ZHX1: variants seen among roughly 807,000 people sequenced by gnomAD.
ZHX1 encodes the protein zinc fingers and homeoboxes protein 1.
ZHX1 carries 20 observed loss-of-function variants against 61.8 expected under a neutral mutation model. The observed-to-expected ratio is 0.32, with a 90% confidence interval of 0.23 to 0.47. The LOEUF is 0.47. ZHX1 is among the 20% of genes least tolerant of loss of function. The pLI, the probability that ZHX1 is intolerant of heterozygous loss-of-function variation, is 1.00. For synonymous variants in ZHX1, 318 were observed against 352.6 expected (o/e 0.90, Z 1.10); for missense variants, 800 against 1,034.8 (o/e 0.77, Z 3.11).
At position 123,255,661 on chromosome 8, in the gene ZHX1, C is replaced by T. The variant is rs1826049019; in HGVS notation, c.286G>A (p.Val96Ile). 6.2e-7 allele frequency: 1 copy of T among 1,613,906 alleles called. No homozygotes were observed. Among genetic ancestry groups the T allele is most frequent in the Non-Finnish European group, 8.5e-7 (1 of 1,180,008 alleles). ...CAAACATAGGATGAATTTAGCACTA[C>T]ATTGGGATGTTCCGAATCCACATGA... The part of the protein sequence containing the change: ...TFHVDSEHPN[V>I]VLNSSYVCVE... Residue 96 changes from valine (V) to isoleucine (I), a missense_variant, in exon 3 of 4, where the codon GTA (valine) becomes ATA (isoleucine). Val to Ile is a conservative substitution (Grantham distance 29). Coordinates refer to ENST00000395571, the MANE Select transcript of ZHX1 (RefSeq NM_007222.5).
Position 123,253,682 on chromosome 8 carries a change from T to A in ZHX1, c.2265A>T (p.Arg755Ser). Residue 755 changes from arginine (R) to serine (S), a missense_variant, in exon 3 of 4, where the codon AGA (arginine) becomes AGT (serine). Coordinates refer to ENST00000395571, the MANE Select transcript of ZHX1 (RefSeq NM_007222.5). ...TGCTTCCTCTAGGCCGCCCACGCGGTCTTCCTCTTCCCCGTCCTTTGGGTC... is the reference window on the plus strand; with the variant it reads ...TGCTTCCTCTAGGCCGCCCACGCGGACTTCCTCTTCCCCGTCCTTTGGGTC... Reference protein sequence around the residue: ...RGRPKGRGRGRPRGRPRGSKR... With the variant: ...RGRPKGRGRGSPRGRPRGSKR... The A allele has an allele frequency of 6.2e-7, 1 of 1,614,204 alleles. No individual in the cohort carries two copies. The highest frequency in any genetic ancestry group is 8.5e-7 in the Non-Finnish European group (1 of 1,180,028).
At chr8:123,267,924 C>T (rs1003394669) in intron 1 of ZHX1, among the ~76,000 whole-genome samples, 1 of 152,112 alleles carries the variant, frequency 6.6e-6, no homozygotes, top group African/African-American at 2.4e-5. Context: ...TCGCTTGAAC[C>T]GGGGAGGCAG....
At chr8:123,267,034 A>G (rs1826481408) in intron 2 of ZHX1, among the ~76,000 whole-genome samples, 1 of 152,208 alleles carries the variant, frequency 6.6e-6, no homozygotes, top group African/African-American at 2.4e-5. Context: ...TAATTTTAAA[A>G]TCAATTATAA....
chr8:123,259,982 C>T (rs62521854), intron 2 of ZHX1, among the ~76,000 whole-genome samples: 6,246 of 151,984 alleles, frequency 0.041, 160 homozygotes, highest in Non-Finnish European at 0.06. Flanking sequence ...AGTGAAACCC[C>T]GTCTCTACTA....
At chr8:123,253,297 CA>C (rs746083423) in intron 3 of ZHX1, 24 bp downstream of exon 3, 113 of 1,549,052 alleles carry the variant, frequency 7.3e-5, no homozygotes, top group Non-Finnish European at 9.0e-5. Context: ...AACATATACG[CA>C]GATTAAAAAT....
At chr8:123,270,295 T>A (rs1826602182) in intron 1 of ZHX1, among the ~76,000 whole-genome samples, 2 of 152,128 alleles carry the variant, frequency 1.3e-5, no homozygotes, top group East Asian at 3.9e-4. Context: ...GAAAAGACTT[T>A]TAAGAAGGGG....
chr8:123,254,207 A>C lies in ZHX1; in HGVS notation c.1740T>G (p.Leu580=). Reference sequence around the variant, plus strand: ...TGAGAAAACTTGCCTGAAGGACACGAAGCTGCTCTGCAGTTTTCTCTTTAA... The same window carrying C: ...TGAGAAAACTTGCCTGAAGGACACGCAGCTGCTCTGCAGTTTTCTCTTTAA... The part of the protein sequence containing the change: ...QKFKEKTAEQ[L]RVLQASFLNS... The change falls in exon 3 of 4, where the codon CTT becomes CTG. Residue 580 remains leucine (L), a synonymous_variant. Transcript: ENST00000395571. The surrounding 1 kb of genome is among the most constrained non-coding windows in gnomAD (Gnocchi z 4.1). The C allele has an allele frequency of 2.5e-6, 4 of 1,614,172 alleles. No homozygotes were observed. Among genetic ancestry groups the C allele is most frequent in the Non-Finnish European group, 3.4e-6 (4 of 1,180,030 alleles).
chr8:123,262,933 TA>T (rs546032434), intron 2 of ZHX1: 8,118 of 126,176 alleles, frequency 0.064, 684 homozygotes, highest in African/African-American at 0.22. Context: ...CAAATTTGTT[TA>T]AAAAAAAAAA....
intron 2 of ZHX1, among the ~76,000 whole-genome samples, chr8:123,260,603 A>G (rs990291172): frequency 1.4e-4 from 21 of 151,844 alleles, no homozygotes; most frequent in African/African-American, 5.1e-4. Flanking sequence ...ATCTCAAAAA[A>G]AAAACAAAAA....
Position 123,255,071 on chromosome 8 carries a change from T to C in ZHX1, c.876A>G (p.Ala292=). 6.2e-7 allele frequency: 1 copy of C among 1,614,192 alleles called. No homozygotes were observed. The stretch of plus-strand genomic sequence containing the variant: ...TAAGTAAAAGGGGATTGTTATCCAA[T>C]GCAGCATTGTAGGTGGGAATGCTAT... The part of the protein sequence containing the change: ...PVNSIPTYNA[A]LDNNPLLLNT... Residue 292 remains alanine, a synonymous_variant, in exon 3 of 4, where the codon GCA becomes GCG. Transcript: ENST00000395571.
chr8:123,254,563 G>A lies in ZHX1; in HGVS notation c.1384C>T (p.Pro462Ser). 6.2e-7 allele frequency: 1 copy of A among 1,614,130 alleles called. No individual in the cohort carries two copies. Among genetic ancestry groups the A allele is most frequent in the Non-Finnish European group, 8.5e-7 (1 of 1,180,012 alleles). Reference sequence around the variant, plus strand: ...TTTGCCCGAATGCCAAATGAATCAGGGTTTACCAATGCAGTTTCATGTTTG... The same window carrying A: ...TTTGCCCGAATGCCAAATGAATCAGAGTTTACCAATGCAGTTTCATGTTTG... ...SVKHETALVN[P>S]DSFGIRAKKT... The change falls in exon 3 of 4, where the codon CCT becomes TCT. Residue 462 changes from proline to serine, a missense_variant. Physicochemically the swap from Pro to Ser is moderately conservative, Grantham distance 74 (BLOSUM62 -1). Transcript: ENST00000395571. The surrounding 1 kb of genome is among the most constrained non-coding windows in gnomAD (Gnocchi z 4.1).
chr8:123,254,329 T>C lies in ZHX1; in HGVS notation c.1618A>G (p.Ile540Val), dbSNP rs557557161. The change falls in exon 3 of 4, where the codon ATA (isoleucine) becomes GTA (valine). Residue 540 changes from isoleucine to valine, a missense_variant. Coordinates refer to ENST00000395571, the MANE Select transcript of ZHX1 (RefSeq NM_007222.5). This position sits in a 1 kb window ranked among gnomAD's most constrained non-coding sequence, Gnocchi z 4.1. The part of the protein sequence containing the change: ...LNNDSSTTII[I>V]DSSDETTESP... ...TCCGTGGTTTCATCACTGGAGTCTA[T>C]AATAATGGTGGTAGAGGAATCATTG... The C allele has an allele frequency of 5.6e-6, 9 of 1,614,132 alleles. No individual in the cohort carries two copies. Among genetic ancestry groups the C allele is most frequent in the African/African-American group, 1.3e-5 (1 of 75,052 alleles).
rs765258778 is a variant in ZHX1, at chr8:123,255,871, A to G, written c.76T>C (p.Ser26Pro). ...ACAGGAGGACCTTCATCCAAATCTG[A>G]TATCAACTCAAGGTCTGGATCTTGT... Reference protein sequence around the residue: ...SEQDPDLELISDLDEGPPVLT... With the variant: ...SEQDPDLELIPDLDEGPPVLT... The change falls in exon 3 of 4, where the codon TCA becomes CCA. Residue 26 changes from serine (S) to proline (P), a missense_variant. Physicochemically the swap from Ser to Pro is moderately conservative, Grantham distance 74 (BLOSUM62 -1). Transcript: ENST00000395571. 2.5e-6 allele frequency: 4 copies of G among 1,614,178 alleles called. No individual in the cohort carries two copies. Among genetic ancestry groups the G allele is most frequent in the East Asian group, 2.2e-5 (1 of 44,886 alleles).
At chr8:123,270,685 C>T (rs1042909123) in intron 1 of ZHX1, among the ~76,000 whole-genome samples, 1 of 150,358 alleles carries the variant, frequency 6.7e-6, no homozygotes, top group Middle Eastern at 3.4e-3. Flanking sequence ...ACTCAAGAGG[C>T]TGAGGAGAAA....
chr8:123,259,825 A>G (rs1319006470), intron 2 of ZHX1, among the ~76,000 whole-genome samples: 5 of 152,202 alleles, frequency 3.3e-5, no homozygotes, highest in Non-Finnish European at 7.4e-5. Flanking sequence ...CCCTTTCATC[A>G]AACAAAATGC....
chr8:123,265,116 GAGA>G lies in ZHX1; in HGVS notation c.-226+2154_-226+2156del, dbSNP rs1425961913. Among the ~76,000 whole-genome samples the G allele has an allele frequency of 1.7e-4, 26 of 150,398 alleles. No individual in the cohort carries two copies. In the East Asian group the frequency reaches 4.4e-3, roughly 25 times the overall value. ...AGGCAGGAGAATCGCTTGAACCTGG[GAGA>G]AGAAGGTTGCAGTAAGCCGAGATTG... On this transcript the variant is annotated intron_variant, in intron 2 of 3. Transcript: ENST00000395571.
Position 123,255,480 on chromosome 8 carries a change from C to G in ZHX1, c.467G>C (p.Ser156Thr), listed in dbSNP as rs1485161372. The G allele has an allele frequency of 6.2e-7, 1 of 1,613,564 alleles. No individual in the cohort carries two copies. The highest frequency in any genetic ancestry group is 2.2e-5 in the East Asian group (1 of 44,872). Residue 156 changes from serine (S) to threonine (T), a missense_variant, in exon 3 of 4, where the codon AGT becomes ACT. Physicochemically the swap from Ser to Thr is moderately conservative, Grantham distance 58. Transcript: ENST00000395571. ...CTCTGCATTCTCCTCTTTAACAAAA[C>G]TACCATCAAAAGTCAGATCATTTAT... is the stretch of plus-strand genomic sequence containing the variant. ...QTINDLTFDGSFVKEENAEQA... is the reference protein window; with the variant it reads ...QTINDLTFDGTFVKEENAEQA...
chr8:123,253,519 C>A lies in ZHX1; in HGVS notation c.2428G>T (p.Gly810Cys). Residue 810 changes from glycine to cysteine, a missense_variant, in exon 3 of 4, where the codon GGC (glycine) becomes TGC (cysteine). Coordinates refer to ENST00000395571, the MANE Select transcript of ZHX1 (RefSeq NM_007222.5). ...LDELVNKSHMGYEQVREWFAE... is the reference protein window; with the variant it reads ...LDELVNKSHMCYEQVREWFAE... ...AACCACTCTCTGACCTGCTCATAGCCCATATGTGATTTGTTAACAAGTTCA... is the reference window on the plus strand; with the variant it reads ...AACCACTCTCTGACCTGCTCATAGCACATATGTGATTTGTTAACAAGTTCA... 6.2e-7 allele frequency: 1 copy of A among 1,614,098 alleles called. No homozygotes were observed. The highest frequency in any genetic ancestry group is 8.5e-7 in the Non-Finnish European group (1 of 1,180,020).
At chr8:123,260,451 T>TAAA (rs1826212487) in intron 2 of ZHX1, among the ~76,000 whole-genome samples, 1 of 149,272 alleles carries the variant, frequency 6.7e-6, no homozygotes, top group Non-Finnish European at 1.5e-5. Context: ...ATATAAAAGT[T>TAAA]AGCCGGGCGT....
Sources: gnomAD v4.1 joint callset for allele counts (sites outside exome capture counted in the v4.1 genomes callset) on GRCh38, gnomAD v4.1.1 for gene constraint, Gnocchi (gnomAD v3.1) non-coding constraint, MANE v1.5 for transcripts, NCBI Gene and HGNC (gene_info 2026-07-23, HGNC 2026-07-21) for gene names.